The following ME1 variants were observed in gnomAD, a reference collection of about 807,000 sequenced individuals.
ME1 encodes the protein NADP-dependent malic enzyme.
In ME1, 74 loss-of-function variants were observed where a neutral mutation model predicts 66.4. The observed-to-expected ratio is 1.11, with a 90% CI of 0.92 to 1.35. The LOEUF is 1.35. Ranked by LOEUF, ME1 falls within the 40% of genes most tolerant of loss-of-function variation. ME1 has a pLI of 0.00. For missense variants in ME1, 750 were observed against 694.1 expected (o/e 1.08, Z -0.90); for synonymous variants, 251 against 235.6 (o/e 1.07, Z -0.60).
intron 6 of ME1, among the ~76,000 whole-genome samples, chr6:83,306,259 C>T (rs112301140): frequency 8.9e-4 from 135 of 151,948 alleles, no homozygotes; most frequent in African/African-American, 3.1e-3. Flanking sequence ...TGGGCTTAAT[C>T]TTGCTAAATT....
At chr6:83,262,436 G>T (rs901602971) in intron 6 of ME1, among the ~76,000 whole-genome samples, 4 of 152,122 alleles carry the variant, frequency 2.6e-5, no homozygotes, top group African/African-American at 9.7e-5. Context: ...GAGAATTAAA[G>T]GTCTCCTCAA....
chr6:83,358,617 G>T (rs1016952170), intron 3 of ME1, among the ~76,000 whole-genome samples: 1 of 152,180 alleles, frequency 6.6e-6, no homozygotes, highest in Non-Finnish European at 1.5e-5. Context: ...GATTAGAAAA[G>T]AATGGGACCA....
At chr6:83,220,842 A>G (rs1166980173) in intron 12 of ME1, among the ~76,000 whole-genome samples, 1 of 152,160 alleles carries the variant, frequency 6.6e-6, no homozygotes, top group Admixed American at 6.5e-5. Context: ...AAAGAAGTAT[A>G]TGGAAGACTC....
chr6:83,325,017 T>C (rs1768260317), intron 5 of ME1, among the ~76,000 whole-genome samples: 2 of 152,082 alleles, frequency 1.3e-5, no homozygotes, highest in Non-Finnish European at 2.9e-5. Context: ...TTATCCACCA[T>C]GATCAAGTGG....
At chr6:83,360,733 G>A (rs544880709) in intron 3 of ME1, among the ~76,000 whole-genome samples, 8 of 152,288 alleles carry the variant, frequency 5.3e-5, no homozygotes, top group South Asian at 4.1e-4. Flanking sequence ...CCACATCCCC[G>A]TTCAACTCTT....
At chr6:83,291,393 G>A (rs1357130685) in intron 6 of ME1, among the ~76,000 whole-genome samples, 1 of 152,104 alleles carries the variant, frequency 6.6e-6, no homozygotes, top group Non-Finnish European at 1.5e-5. Flanking sequence ...TAGTTTGGCT[G>A]GATATGAAAT....
chr6:83,382,936 T>A (rs1317290096), intron 3 of ME1, among the ~76,000 whole-genome samples: 7 of 151,808 alleles, frequency 4.6e-5, no homozygotes, highest in Admixed American at 4.6e-4. Flanking sequence ...ATCAGTAGAT[T>A]CTGAATAAAA....
At chr6:83,305,356 A>T (rs531478040) in intron 6 of ME1, among the ~76,000 whole-genome samples, 4 of 152,236 alleles carry the variant, frequency 2.6e-5, no homozygotes, top group African/African-American at 4.8e-5. Context: ...AAAAAGGAAA[A>T]GTAGAGCAAA....
At chr6:83,246,777 T>G (rs1790631967) in intron 7 of ME1, among the ~76,000 whole-genome samples, 1 of 152,108 alleles carries the variant, frequency 6.6e-6, no homozygotes, top group Non-Finnish European at 1.5e-5. Flanking sequence ...TTTAGGTTTT[T>G]GACACAAACT....
At chr6:83,408,526 T>C (rs900525545) in intron 1 of ME1, among the ~76,000 whole-genome samples, 1 of 152,236 alleles carries the variant, frequency 6.6e-6, no homozygotes, top group Non-Finnish European at 1.5e-5. Context: ...TCCTCCTGTC[T>C]AAAGCCTCAG....
Position 83,253,664 on chromosome 6 carries a change from C to T in ME1, c.779G>A (p.Arg260Gln), listed in dbSNP as rs142401926. ...ATCATTGAATGTGCAATACTGGTTTCGATACTTGTTCAGGAGACGAAATGC... is the reference window on the plus strand; with the variant it reads ...ATCATTGAATGTGCAATACTGGTTTTGATACTTGTTCAGGAGACGAAATGC... ...VNAFRLLNKYRNQYCTFNDDI... is the reference protein window; with the variant it reads ...VNAFRLLNKYQNQYCTFNDDI... The change falls in exon 7 of 14, where the codon CGA becomes CAA. Residue 260 changes from arginine (R) to glutamine (Q), a missense_variant. By Grantham distance (43) the Arg-to-Gln change is conservative. Transcript: ENST00000369705. 187 of 1,611,040 alleles carry T rather than the reference C, an allele frequency of 1.2e-4. 1 individual carries two copies. In the Admixed American group the frequency reaches 2.5e-3, roughly 21 times the overall value.
At chr6:83,408,617 A>G (rs566764793) in intron 1 of ME1, among the ~76,000 whole-genome samples, 1 of 152,376 alleles carries the variant, frequency 6.6e-6, no homozygotes, top group South Asian at 2.1e-4. Context: ...TGATAATAAC[A>G]AGCTATGAAG....
At chr6:83,291,002 C>T (rs1472890401) in intron 6 of ME1, among the ~76,000 whole-genome samples, 1 of 152,040 alleles carries the variant, frequency 6.6e-6, no homozygotes, top group African/African-American at 2.4e-5. Flanking sequence ...TATTTCAAGC[C>T]TGATGTGTGT....
intron 6 of ME1, among the ~76,000 whole-genome samples, chr6:83,283,448 C>A (rs538277262): frequency 1.3e-5 from 2 of 151,762 alleles, no homozygotes; most frequent in South Asian, 4.2e-4. Context: ...AGAGGGAGAG[C>A]ATTAGGACAA....
At chr6:83,393,372 G>A (rs1307810974) in intron 3 of ME1, 3 of 816,934 alleles carry the variant, frequency 3.7e-6, no homozygotes, top group Non-Finnish European at 6.1e-6. Context: ...GCAACAGGGT[G>A]GTGGACCTCT....
At chr6:83,280,006 A>C (rs1767259282) in intron 6 of ME1, among the ~76,000 whole-genome samples, 1 of 152,218 alleles carries the variant, frequency 6.6e-6, no homozygotes, top group Non-Finnish European at 1.5e-5. Flanking sequence ...ACCAACCTAC[A>C]ATTCTGCATC....
At chr6:83,405,722 GTT>G (rs1245020714) in intron 2 of ME1, among the ~76,000 whole-genome samples, 7 of 126,260 alleles carry the variant, frequency 5.5e-5, no homozygotes, top group African/African-American at 1.9e-4. Flanking sequence ...TGTTGTTGTT[GTT>G]TTTTTTTTTT....
intron 5 of ME1, among the ~76,000 whole-genome samples, chr6:83,328,534 G>C (rs1170483): frequency 0.32 from 48,663 of 151,976 alleles, 8,161 homozygotes; most frequent in Middle Eastern, 0.49. Context: ...TTTTAATTAA[G>C]ATAATCAAGG....
At chr6:83,362,070 A>G (rs909226966) in intron 3 of ME1, among the ~76,000 whole-genome samples, 2 of 152,232 alleles carry the variant, frequency 1.3e-5, no homozygotes, top group African/African-American at 4.8e-5. Context: ...GGACAGCTAC[A>G]GCACTACAGC....
Sources: gnomAD v4.1 joint callset for allele counts (sites outside exome capture counted in the v4.1 genomes callset) on GRCh38, gnomAD v4.1.1 for gene constraint, MANE v1.5 for transcripts, NCBI Gene and HGNC (gene_info 2026-07-23, HGNC 2026-07-21) for gene names.